SGMS1: variants seen among roughly 807,000 people sequenced by gnomAD.
SGMS1 encodes sphingomyelin synthase 1, also known as phosphatidylcholine:ceramide cholinephosphotransferase 1.
In SGMS1, 13 loss-of-function variants were observed where a neutral mutation model predicts 46.2. The ratio of observed to expected loss-of-function variants is 0.28; its 90% CI spans 0.18 to 0.45. The LOEUF (loss-of-function observed/expected upper bound fraction) is 0.45. Among genes scored for constraint, SGMS1 ranks in the 20% least tolerant of loss-of-function variants. The probability of loss-of-function intolerance (pLI) is 1.00; values close to 1 mark genes in which losing one functional copy is unlikely to be tolerated. For synonymous variants in SGMS1, 203 were observed against 187.8 expected, an observed-to-expected ratio of 1.08 and a Z score of -0.66; for missense variants, 324 against 519.9, an observed-to-expected ratio of 0.62 and a Z score of 3.66.
intron 2 of SGMS1, among the ~76,000 whole-genome samples, chr10:50,587,352 T>C (rs978859376): frequency 6.6e-6 from 1 of 152,156 alleles, no homozygotes; most frequent in African/African-American, 2.4e-5. Flanking sequence ...TATATGTCAT[T>C]GGCCGGGCGT....
At chr10:50,568,785 C>CG (rs2131853949) in intron 2 of SGMS1, among the ~76,000 whole-genome samples, 1 of 152,336 alleles carries the variant, frequency 6.6e-6, no homozygotes, top group Non-Finnish European at 1.5e-5. Context: ...AGTACACCAA[C>CG]GTGTCATTTC....
chr10:50,388,631 A>T (rs1233828000), intron 6 of SGMS1, among the ~76,000 whole-genome samples: 1 of 152,132 alleles, frequency 6.6e-6, no homozygotes. Flanking sequence ...AAAACAAAAA[A>T]CAAAAACAGA....
At chr10:50,427,114 T>TA (rs1319440750) in intron 6 of SGMS1, among the ~76,000 whole-genome samples, 35 of 152,186 alleles carry the variant, frequency 2.3e-4, no homozygotes, top group Admixed American at 2.0e-3. Flanking sequence ...TCAAAGAACT[T>TA]ACGGCCGGGC....
intron 2 of SGMS1, among the ~76,000 whole-genome samples, chr10:50,535,934 T>C (rs1346103365): frequency 1.3e-5 from 2 of 152,196 alleles, no homozygotes; most frequent in African/African-American, 2.4e-5. Context: ...AGTATTACTG[T>C]ATTAGATTTC....
chr10:50,377,876 C>T (rs1300436331), intron 6 of SGMS1, among the ~76,000 whole-genome samples: 1 of 152,172 alleles, frequency 6.6e-6, no homozygotes, highest in Admixed American at 6.5e-5. Context: ...CTGCCTTCAC[C>T]TTCACATTGC....
rs1392530682 is a variant in SGMS1 at position 50,616,154 on chromosome 10, C to G, written c.-684+7553G>C. ...TTTTTGAAACAGGGTCTTGCTCTGT[C>G]ATTCAGGCTGGAGTACAGTGGCATG... On this transcript the variant is annotated intron_variant, in intron 1 of 10. Coordinates refer to ENST00000361781, the MANE Select transcript of SGMS1 (RefSeq NM_147156.4). Among the ~76,000 whole-genome samples, 5 of 152,246 alleles carry G rather than the reference C, an allele frequency of 3.3e-5. No individual in the cohort carries two copies. The South Asian group carries it at 6.2e-4, about 19-fold the overall frequency.
chr10:50,361,530 T>C (rs1848248044), intron 6 of SGMS1, among the ~76,000 whole-genome samples: 1 of 152,118 alleles, frequency 6.6e-6, no homozygotes, highest in African/African-American at 2.4e-5. Context: ...AGTTCAATTT[T>C]TTAAGGGGCA....
rs527626730 is a variant in SGMS1 at position 50,557,037 on chromosome 10, T to C, written c.-589+33116A>G. Among the ~76,000 whole-genome samples, 16 of 152,340 alleles carry C rather than the reference T, an allele frequency of 1.1e-4. No homozygotes were observed. In the South Asian group the frequency reaches 3.3e-3, roughly 32 times the overall value. On this transcript the variant is annotated intron_variant, in intron 2 of 10. Transcript: ENST00000361781. ...TCAATATTGCAAATAAAATTAATAT[T>C]AATAAGCTTCACATAGTAGGCTTTA...
intron 2 of SGMS1, among the ~76,000 whole-genome samples, chr10:50,564,754 A>T (rs1032060368): frequency 6.6e-6 from 1 of 150,970 alleles, no homozygotes; most frequent in Non-Finnish European, 1.5e-5. Flanking sequence ...TAATCAGATT[A>T]TTTTTTTTAT....
At chr10:50,545,459 CAG>C (rs2133824444) in intron 2 of SGMS1, among the ~76,000 whole-genome samples, 1 of 152,212 alleles carries the variant, frequency 6.6e-6, no homozygotes, top group East Asian at 1.9e-4. Flanking sequence ...GTTTTTGAGA[CAG>C]AGTCTCGCTC....
chr10:50,393,305 C>G (rs1392696068), intron 6 of SGMS1, among the ~76,000 whole-genome samples: 1 of 152,060 alleles, frequency 6.6e-6, no homozygotes, highest in Non-Finnish European at 1.5e-5. Context: ...AAAAATACGT[C>G]CAATTTCTCA....
chr10:50,390,074 T>A (rs531383040), intron 6 of SGMS1, among the ~76,000 whole-genome samples: 3 of 152,234 alleles, frequency 2.0e-5, no homozygotes, highest in African/African-American at 7.2e-5. Context: ...AGCAACTTCA[T>A]ATTTGAAATT....
chr10:50,378,806 C>A (rs987729868), intron 6 of SGMS1, among the ~76,000 whole-genome samples: 1 of 152,052 alleles, frequency 6.6e-6, no homozygotes, highest in Non-Finnish European at 1.5e-5. Context: ...GTTTACTATC[C>A]ATTTTTAAGG....
chr10:50,307,458 T>TGATACGGCGAC lies in SGMS1; in HGVS notation c.1063-138_1063-137insGTCGCCGTATC. ...CACATATCCCAGCTTCTCTCTCTCATCACCATTCTACACTCCACATTCATC... is the reference window on the plus strand; with the variant it reads ...CACATATCCCAGCTTCTCTCTCTCATGATACGGCGACCACCATTCTACACTCCACATTCATC... On this transcript the variant is annotated intron_variant, in intron 10 of 10. Transcript: ENST00000361781. This position sits in a 1 kb window ranked among gnomAD's most constrained non-coding sequence, Gnocchi z 4.2. The TGATACGGCGAC allele has an allele frequency of 1.5e-6, 1 of 685,698 alleles. No individual in the cohort carries two copies. Among genetic ancestry groups the TGATACGGCGAC allele is most frequent in the Non-Finnish European group, 2.4e-6 (1 of 413,588 alleles). The allele number at this position is 685,698 out of a possible 1,614,324, so 42.5% of individuals were successfully genotyped here.
intron 6 of SGMS1, among the ~76,000 whole-genome samples, chr10:50,370,567 C>T (rs1011007715): frequency 6.6e-6 from 1 of 151,584 alleles, no homozygotes; most frequent in Non-Finnish European, 1.5e-5. Context: ...ATGGTGAAAC[C>T]CTGTCTCTAC....
At chr10:50,332,173 GC>G (rs1847634626) in intron 7 of SGMS1, among the ~76,000 whole-genome samples, 1 of 152,014 alleles carries the variant, frequency 6.6e-6, no homozygotes, top group Non-Finnish European at 1.5e-5. Flanking sequence ...CTGCCCTCTG[GC>G]CACCCTCCCT....
intron 1 of SGMS1, among the ~76,000 whole-genome samples, chr10:50,600,886 A>T (rs191778909): frequency 6.6e-6 from 1 of 152,310 alleles, no homozygotes; most frequent in East Asian, 1.9e-4. Flanking sequence ...ATCAGAGGAG[A>T]GAAGCAGGGG....
chr10:50,397,465 A>G (rs1848862861), intron 6 of SGMS1, among the ~76,000 whole-genome samples: 1 of 152,238 alleles, frequency 6.6e-6, no homozygotes, highest in Non-Finnish European at 1.5e-5. Context: ...AGGCAGATAA[A>G]GTCAGTTTGC....
chr10:50,400,818 G>A (rs1848927499), intron 6 of SGMS1, among the ~76,000 whole-genome samples: 2 of 152,096 alleles, frequency 1.3e-5, no homozygotes, highest in South Asian at 4.1e-4. Context: ...AATAATGAAA[G>A]TCTGGACAGT....
Sources: gnomAD v4.1 joint callset for allele counts (sites outside exome capture counted in the v4.1 genomes callset) on GRCh38, gnomAD v4.1.1 for gene constraint, Gnocchi (gnomAD v3.1) non-coding constraint, MANE v1.5 for transcripts, NCBI Gene and HGNC (gene_info 2026-07-23, HGNC 2026-07-21) for gene names.